The following UBE2W variants were observed in gnomAD, a reference collection of about 807,000 sequenced individuals.
UBE2W encodes ubiquitin-conjugating enzyme E2 W.
Under a neutral mutation model 27.2 loss-of-function variants are expected in UBE2W, and 18 were observed. That is an observed-to-expected ratio of 0.66 (90% CI 0.46 to 0.98). The LOEUF is 0.98. Ranked by LOEUF, UBE2W falls within the 50% of genes least tolerant of loss-of-function variation. The pLI, the probability that UBE2W is intolerant of heterozygous loss-of-function variation, is 0.00. For missense variants in UBE2W, 90 were observed against 180.2 expected, an observed-to-expected ratio of 0.50 and a Z score of 2.87; for synonymous variants, 53 against 57.2, an observed-to-expected ratio of 0.93 and a Z score of 0.33.
intron 1 of UBE2W, among the ~76,000 whole-genome samples, chr8:73,833,435 C>G (rs73689077): frequency 0.031 from 4,751 of 151,822 alleles, 229 homozygotes; most frequent in African/African-American, 0.1. Flanking sequence ...ATCACCTGCA[C>G]AGTTTAATAT....
chr8:73,805,784 T>A, intron 4 of UBE2W, 58 bp from the exon 5 acceptor site: 1 of 1,019,214 alleles, frequency 9.8e-7, no homozygotes, highest in Non-Finnish European at 1.4e-6. Context: ...AGGGTGACAG[T>A]TTTAATAAAA....
At chr8:73,858,330 C>T (rs1811388914) in intron 1 of UBE2W, among the ~76,000 whole-genome samples, 2 of 145,506 alleles carry the variant, frequency 1.4e-5, no homozygotes, top group South Asian at 2.2e-4. Flanking sequence ...CATTGCACTC[C>T]AGCCTGGGTG....
rs1359461123 is a variant in UBE2W, at chr8:73,787,324, G to C, written c.*6778C>G. On this transcript the variant is annotated 3_prime_UTR_variant, in exon 6 of 6. Coordinates refer to ENST00000602593, the MANE Select transcript of UBE2W (RefSeq NM_018299.6). ...GTTATGTTAGTGTGAAAATGAGTAA[G>C]AAATATAGGGAGGACATAAACAGAG... The C allele has an allele frequency of 5.1e-6, 5 of 985,380 alleles. No homozygotes were observed. Among genetic ancestry groups the C allele is most frequent in the Non-Finnish European group, 6.0e-6 (5 of 829,920 alleles). The allele number at this position is 985,380 out of a possible 1,614,324, so 61.0% of individuals were successfully genotyped here.
In UBE2W at chr8:73,786,908, G is replaced by T; in HGVS notation, c.*7194C>A. ...AAGAAATATGTTTTCATTGAGGTATGGAAACATAAAATTTTAATGTTGAAT... is the reference window on the plus strand; with the variant it reads ...AAGAAATATGTTTTCATTGAGGTATTGAAACATAAAATTTTAATGTTGAAT... On this transcript the variant is annotated 3_prime_UTR_variant, in exon 6 of 6. Coordinates refer to ENST00000602593, the MANE Select transcript of UBE2W (RefSeq NM_018299.6). 1.0e-6 allele frequency: 1 copy of T among 985,326 alleles called. No individual in the cohort carries two copies. The highest frequency in any genetic ancestry group is 4.7e-5 in the South Asian group (1 of 21,282). 61.0% of individuals were successfully genotyped at this position (985,326 alleles called of 1,614,324 possible).
chr8:73,815,613 A>G (rs1407221913), intron 3 of UBE2W, among the ~76,000 whole-genome samples: 8 of 152,224 alleles, frequency 5.3e-5, no homozygotes, highest in Non-Finnish European at 1.2e-4. Flanking sequence ...GAATTTTCAA[A>G]CATCAAGCCC....
At chr8:73,836,471 T>C (rs1810311303) in intron 1 of UBE2W, among the ~76,000 whole-genome samples, 1 of 152,236 alleles carries the variant, frequency 6.6e-6, no homozygotes, top group African/African-American at 2.4e-5. Flanking sequence ...CACCCTTAGT[T>C]GCATTCTTCC....
rs1171420392 is a variant in UBE2W at position 73,790,554 on chromosome 8, A to T, written c.*3548T>A. On this transcript the variant is annotated 3_prime_UTR_variant, in exon 6 of 6. Coordinates refer to ENST00000602593, the MANE Select transcript of UBE2W (RefSeq NM_018299.6). ...GCATTCAGCTAAGATATGTACAAAAAAATTAATGAAAGTGAGATCAAGAAA... is the reference window on the plus strand; with the variant it reads ...GCATTCAGCTAAGATATGTACAAAATAATTAATGAAAGTGAGATCAAGAAA... 18 of 984,212 alleles carry T rather than the reference A, an allele frequency of 1.8e-5. No homozygotes were observed. The highest frequency in any genetic ancestry group is 2.1e-5 in the Non-Finnish European group (17 of 828,908). The allele number at this position is 984,212 out of a possible 1,614,324, so 61.0% of individuals were successfully genotyped here. A position where few individuals can be genotyped will look rare whatever the true frequency, so the allele number is the denominator to read the frequency against.
At position 73,865,180 on chromosome 8, in the gene UBE2W, C is replaced by CAAAA. The variant is rs11354153; in HGVS notation, c.15+13624_15+13627dup. 2.5e-3 allele frequency among the ~76,000 whole-genome samples: 83 copies of CAAAA among 32,848 alleles called. 12 individuals are homozygous for CAAAA. The highest frequency in any genetic ancestry group is 5.5e-3 in the African/African-American group (66 of 11,932). 21.5% of individuals were successfully genotyped at this position (32,848 alleles called of 152,430 possible). ...CACTGCTCTTTAAGTGTGCAAACGTCAAAAAAAAAAAAAAAAAAAAAAAAA... is the reference window on the plus strand; with the variant it reads ...CACTGCTCTTTAAGTGTGCAAACGTCAAAAAAAAAAAAAAAAAAAAAAAAAAAAA... On this transcript the variant is annotated intron_variant, in intron 1 of 5. Coordinates refer to ENST00000602593, the MANE Select transcript of UBE2W (RefSeq NM_018299.6).
At chr8:73,868,769 C>T (rs888068625) in intron 1 of UBE2W, among the ~76,000 whole-genome samples, 1 of 150,924 alleles carries the variant, frequency 6.6e-6, no homozygotes, top group Non-Finnish European at 1.5e-5. Context: ...TGGGCGAGTA[C>T]ATAAGAAAAA....
chr8:73,865,383 CAGG>C (rs1453858137), intron 1 of UBE2W, among the ~76,000 whole-genome samples: 3 of 151,454 alleles, frequency 2.0e-5, no homozygotes, highest in African/African-American at 7.3e-5. Flanking sequence ...GAGGCTGAGG[CAGG>C]AGGACTGCTT....
downstream of UBE2W, among the ~76,000 whole-genome samples, chr8:73,783,914 A>C (rs1264768482): frequency 6.6e-6 from 1 of 152,052 alleles, no homozygotes; most frequent in Non-Finnish European, 1.5e-5. Flanking sequence ...GGCACATGCC[A>C]CCAGCCTGGC....
chr8:73,878,742 C>A, intron 1 of UBE2W, 66 bp downstream of exon 1: 3 of 1,425,256 alleles, frequency 2.1e-6, no homozygotes, highest in Non-Finnish European at 2.9e-6. Flanking sequence ...GACGCCACCC[C>A]CGCCCGAACG....
At chr8:73,846,044 T>G (rs895065741) in intron 1 of UBE2W, among the ~76,000 whole-genome samples, 7 of 152,140 alleles carry the variant, frequency 4.6e-5, no homozygotes, top group Non-Finnish European at 1.0e-4. Context: ...ATACTTAAAG[T>G]GTGTACATCT....
At chr8:73,815,068 TAAAAATA>T (rs917270804) in intron 3 of UBE2W, among the ~76,000 whole-genome samples, 1 of 152,068 alleles carries the variant, frequency 6.6e-6, no homozygotes, top group Non-Finnish European at 1.5e-5. Flanking sequence ...ACCATAGTGA[TAAAAATA>T]AAAAATAAGA....
At chr8:73,810,430 C>A in intron 4 of UBE2W, 44 bp downstream of exon 4, 1 of 1,540,204 alleles carries the variant, frequency 6.5e-7, no homozygotes, top group African/African-American at 1.4e-5. Flanking sequence ...ATCTACCTAA[C>A]TGAAAGAAGA....
intron 3 of UBE2W, among the ~76,000 whole-genome samples, chr8:73,811,418 G>T (rs1273191256): frequency 6.6e-6 from 1 of 152,054 alleles, no homozygotes; most frequent in Non-Finnish European, 1.5e-5. Flanking sequence ...TAAGCAAATA[G>T]GCAGGAGAAT....
intron 1 of UBE2W, among the ~76,000 whole-genome samples, chr8:73,874,635 G>C (rs1038486313): frequency 1.3e-5 from 2 of 152,090 alleles, no homozygotes; most frequent in African/African-American, 4.8e-5. Flanking sequence ...TCCCTAAAAC[G>C]CTAAAACTAA....
At chr8:73,875,239 G>A (rs958824387) in intron 1 of UBE2W, among the ~76,000 whole-genome samples, 4 of 152,116 alleles carry the variant, frequency 2.6e-5, no homozygotes, top group South Asian at 4.1e-4. Flanking sequence ...GGAGTAGAGC[G>A]TCCCCAGCAT....
At chr8:73,849,709 T>C (rs1271821419) in intron 1 of UBE2W, among the ~76,000 whole-genome samples, 1 of 152,004 alleles carries the variant, frequency 6.6e-6, no homozygotes, top group Admixed American at 6.6e-5. Flanking sequence ...AAAATTTGAC[T>C]AACTTCTTTA....
Sources: allele counts gnomAD v4.1 joint callset (sites outside exome capture counted in the v4.1 genomes callset), GRCh38; gene constraint gnomAD v4.1.1; transcripts MANE v1.5; gene names NCBI Gene and HGNC (gene_info 2026-07-23, HGNC 2026-07-21).